AGMO: variants seen among roughly 807,000 people sequenced by gnomAD.
AGMO encodes alkylglycerol monooxygenase.
AGMO carries 75 observed loss-of-function variants against 60.2 expected under a neutral mutation model. That is an observed-to-expected ratio of 1.25 (90% CI 1.03 to 1.51). The LOEUF (loss-of-function observed/expected upper bound fraction) is 1.51. Among genes scored for constraint, AGMO ranks in the 40% most tolerant of loss-of-function variants. The pLI is 0.00. For missense variants in AGMO, 763 were observed against 525.5 expected, an observed-to-expected ratio of 1.45 and a Z score of -4.42; for synonymous variants, 261 against 177.1, an observed-to-expected ratio of 1.47 and a Z score of -3.76.
intron 3 of AGMO, among the ~76,000 whole-genome samples, chr7:15,475,263 T>C (rs1238972662): frequency 2.6e-5 from 4 of 152,112 alleles, no homozygotes; most frequent in Non-Finnish European, 5.9e-5. Flanking sequence ...GCAGTACTAT[T>C]CACAATAGCA....
chr7:15,241,617 A>T (rs1404352740), intron 12 of AGMO, among the ~76,000 whole-genome samples: 1 of 152,248 alleles, frequency 6.6e-6, no homozygotes, highest in African/African-American at 2.4e-5. Flanking sequence ...TGACATGATG[A>T]GTCAAAGATG....
At chr7:15,325,920 A>AAGGAGG (rs1781326077) in intron 12 of AGMO, among the ~76,000 whole-genome samples, 1 of 150,892 alleles carries the variant, frequency 6.6e-6, no homozygotes, top group African/African-American at 2.4e-5. Flanking sequence ...GAGGAAGAAG[A>AAGGAGG]CGGAGGAGGA....
the AGMO span, among the ~76,000 whole-genome samples, chr7:15,177,494 C>T: frequency 7.2e-4 from 109 of 152,158 alleles, no homozygotes; most frequent in Non-Finnish European, 1.9e-4. Context: ...TTTTTAAAAA[C>T]ACTTTTTCTT....
intron 12 of AGMO, among the ~76,000 whole-genome samples, chr7:15,225,168 T>C (rs1399348825): frequency 6.6e-6 from 1 of 152,090 alleles, no homozygotes; most frequent in South Asian, 2.1e-4. Flanking sequence ...AGACGAACAT[T>C]TTTCCATGTG....
chr7:15,125,329 T>C, the AGMO span, among the ~76,000 whole-genome samples: 2 of 152,228 alleles, frequency 1.3e-5, no homozygotes, highest in Admixed American at 6.6e-5. Flanking sequence ...ACTCACAGAA[T>C]GACCAGTGAG....
intron 12 of AGMO, among the ~76,000 whole-genome samples, chr7:15,218,907 T>C (rs186557476): frequency 6.6e-6 from 1 of 152,246 alleles, no homozygotes; most frequent in East Asian, 1.9e-4. Context: ...GGCTATTCAG[T>C]GCTAGACTGA....
chr7:15,439,311 C>T (rs146307375), intron 3 of AGMO, among the ~76,000 whole-genome samples: 2,934 of 152,234 alleles, frequency 0.019, 30 homozygotes, highest in Non-Finnish European at 0.03. Flanking sequence ...GCAGGATAAT[C>T]GCTTGGACTC....
At chr7:15,294,820 T>C (rs1457456560) in intron 12 of AGMO, among the ~76,000 whole-genome samples, 1 of 151,976 alleles carries the variant, frequency 6.6e-6, no homozygotes, top group Non-Finnish European at 1.5e-5. Context: ...GTAGGCTGCA[T>C]ATGATAATTT....
At chr7:15,309,271 G>A (rs1481589841) in intron 12 of AGMO, among the ~76,000 whole-genome samples, 1 of 152,092 alleles carries the variant, frequency 6.6e-6, no homozygotes. Context: ...AAGCTGAGTA[G>A]GGCCAACATT....
chr7:15,319,739 A>G (rs1021651096), intron 12 of AGMO, among the ~76,000 whole-genome samples: 4 of 152,132 alleles, frequency 2.6e-5, no homozygotes, highest in African/African-American at 9.7e-5. Context: ...GAAAAATGAC[A>G]GGCAATGGAA....
At chr7:15,402,943 ACACAAG>A (rs1188114937) in intron 5 of AGMO, among the ~76,000 whole-genome samples, 7 of 151,816 alleles carry the variant, frequency 4.6e-5, no homozygotes, top group African/African-American at 7.2e-5. Context: ...ATGATGTAAT[ACACAAG>A]CATTGCCTGA....
intron 12 of AGMO, among the ~76,000 whole-genome samples, chr7:15,243,905 T>C (rs1782666702): frequency 1.3e-5 from 2 of 152,168 alleles, no homozygotes; most frequent in African/African-American, 4.8e-5. Flanking sequence ...ACTTCCACTT[T>C]CCTGCTTATG....
chr7:15,407,153 T>C (rs1381759169), intron 5 of AGMO, among the ~76,000 whole-genome samples: 1 of 147,202 alleles, frequency 6.8e-6, no homozygotes, highest in Non-Finnish European at 1.5e-5. Context: ...TAGATATATG[T>C]ATATGTGATC....
intron 12 of AGMO, among the ~76,000 whole-genome samples, chr7:15,249,998 GTATT>G (rs920035058): frequency 2.0e-5 from 3 of 152,202 alleles, no homozygotes; most frequent in African/African-American, 7.2e-5. Flanking sequence ...GCACCGGTCA[GTATT>G]TATTCCCAGC....
the AGMO span, among the ~76,000 whole-genome samples, chr7:15,119,979 C>T: frequency 1.3e-5 from 2 of 148,464 alleles, no homozygotes; most frequent in East Asian, 4.0e-4. Context: ...TGCACTGGTT[C>T]CTCTCCTGGA....
At chr7:15,553,043 T>C (rs191234406) in intron 2 of AGMO, among the ~76,000 whole-genome samples, 1 of 150,976 alleles carries the variant, frequency 6.6e-6, no homozygotes, top group Non-Finnish European at 1.5e-5. Context: ...AAATTGGAAA[T>C]CATCATTCTC....
chr7:15,351,581 AAAAG>A (rs1259814347), intron 12 of AGMO, among the ~76,000 whole-genome samples: 1 of 152,200 alleles, frequency 6.6e-6, no homozygotes. Context: ...TATCTTGTAA[AAAAG>A]AAAGTCTAAA....
At chr7:15,229,031 A>T (rs1367969372) in intron 12 of AGMO, among the ~76,000 whole-genome samples, 2 of 152,104 alleles carry the variant, frequency 1.3e-5, no homozygotes, top group African/African-American at 4.8e-5. Flanking sequence ...CAGACCAGTG[A>T]TATATGACTT....
chr7:15,244,096 G>A (rs1047880839), intron 12 of AGMO, among the ~76,000 whole-genome samples: 1 of 152,080 alleles, frequency 6.6e-6, no homozygotes, highest in African/African-American at 2.4e-5. Context: ...CTGTCTGAGA[G>A]ACAAAATGGT....
Sources: allele counts gnomAD v4.1 joint callset (sites outside exome capture counted in the v4.1 genomes callset), GRCh38; gene constraint gnomAD v4.1.1; transcripts MANE v1.5; gene names NCBI Gene and HGNC (gene_info 2026-07-23, HGNC 2026-07-21).